MGST1: variants seen among roughly 807,000 people sequenced by gnomAD.
MGST1 encodes the protein microsomal glutathione S-transferase 1, also known as glutathione S-transferase 12.
In MGST1, 5 loss-of-function variants were observed where a neutral mutation model predicts 8.9. That is an observed-to-expected ratio of 0.56 (90% CI 0.29 to 1.19). The LOEUF (loss-of-function observed/expected upper bound fraction) is 1.19, where lower values mean the gene tolerates loss of function less well. Ranked by LOEUF, MGST1 falls within the 50% of genes most tolerant of loss-of-function variation. The pLI, the probability that MGST1 is intolerant of heterozygous loss-of-function variation, is 0.08. For missense variants in MGST1, 182 were observed against 187.4 expected, an observed-to-expected ratio of 0.97 and a Z score of 0.17; for synonymous variants, 54 against 67.8, an observed-to-expected ratio of 0.80 and a Z score of 1.00.
intron 4 of MGST1, among the ~76,000 whole-genome samples, chr12:16,502,052 G>A (rs961974889): frequency 3.9e-5 from 6 of 151,974 alleles, no homozygotes; most frequent in Admixed American, 6.6e-5. Flanking sequence ...GCTCAAATCC[G>A]AACAAATAAA....
At position 16,461,556 on chromosome 12, in the gene MGST1, C is replaced by T. The variant is rs573875808; in HGVS notation, n.482+77952C>T. ...TCTTGGCACCAACAATATAAAAACT[C>T]TCTAGGAAAAATAGGTTCTTTGGAT... On this transcript the variant is annotated intron_variant and non_coding_transcript_variant, in intron 4 of 4. Transcript: ENST00000538857. 6.6e-5 allele frequency among the ~76,000 whole-genome samples: 10 copies of T among 152,184 alleles called. No homozygotes were observed. In the South Asian group the frequency reaches 2.1e-3, roughly 32 times the overall value.
chr12:16,572,930 A>C (rs1028656884), intron 4 of MGST1, among the ~76,000 whole-genome samples: 11 of 151,724 alleles, frequency 7.3e-5, no homozygotes, highest in Non-Finnish European at 1.6e-4. Flanking sequence ...AGTGGATATA[A>C]AATTGATCAT....
At chr12:16,507,128 A>G (rs940060355) in intron 4 of MGST1, among the ~76,000 whole-genome samples, 2 of 152,240 alleles carry the variant, frequency 1.3e-5, no homozygotes, top group Non-Finnish European at 2.9e-5. Context: ...AGAGTCTTCA[A>G]AGATGAAGAT....
In MGST1 at chr12:16,361,064, A is replaced by C. The variant is rs1458397942; in HGVS notation, c.222-2731A>C. ...AGCCATGTTCCATTAGTTCCATGGA[A>C]TATTTCATAAAGGAAGACCTTGAAG... On this transcript the variant is annotated intron_variant, in intron 3 of 3. Coordinates refer to ENST00000396210, the MANE Select transcript of MGST1 (RefSeq NM_020300.5). This position sits in a 1 kb window ranked among gnomAD's most constrained non-coding sequence, Gnocchi z 4.2. Among the ~76,000 whole-genome samples, 1 of 150,910 alleles carries C rather than the reference A, an allele frequency of 6.6e-6. No homozygotes were observed. The highest frequency in any genetic ancestry group is 1.5e-5 in the Non-Finnish European group (1 of 67,872).
At chr12:16,360,985 C>CG (rs201759501) in intron 3 of MGST1, among the ~76,000 whole-genome samples, 4 of 151,624 alleles carry the variant, frequency 2.6e-5, no homozygotes, top group African/African-American at 7.3e-5. Context: ...AGTGTTCCCC[C>CG]CCTCCCCGCC....
At chr12:16,563,920 A>G (rs550598243) in intron 4 of MGST1, among the ~76,000 whole-genome samples, 2 of 152,286 alleles carry the variant, frequency 1.3e-5, no homozygotes, top group South Asian at 2.1e-4. Context: ...TAATTTGCCA[A>G]TTTATGGGCT....
intron 4 of MGST1, among the ~76,000 whole-genome samples, chr12:16,583,802 G>A (rs1013529106): frequency 6.6e-6 from 1 of 152,182 alleles, no homozygotes; most frequent in African/African-American, 2.4e-5. Context: ...AGGAGACACA[G>A]AAGATGGAAG....
chr12:16,550,453 AAAAG>A (rs1941948006), intron 4 of MGST1: 1 of 152,510 alleles, frequency 6.6e-6, no homozygotes, highest in Non-Finnish European at 1.5e-5. Flanking sequence ...AGCACACAAA[AAAAG>A]GATATTAAAA....
At position 16,559,762 on chromosome 12, in the gene MGST1, G is replaced by A. The variant is rs1235174795; in HGVS notation, n.483-29766G>A. On this transcript the variant is annotated intron_variant and non_coding_transcript_variant, in intron 4 of 4. Coordinates refer to the MGST1 transcript ENST00000538857. This position sits in a 1 kb window ranked among gnomAD's most constrained non-coding sequence, Gnocchi z 4.1. ...GGCCAGGAGTTTGAGACCAGCCTGG[G>A]TAACATAGTGAAACTCCATCATCTC... Among the ~76,000 whole-genome samples the A allele has an allele frequency of 1.3e-5, 2 of 150,854 alleles. No individual in the cohort carries two copies. The highest frequency in any genetic ancestry group is 3.0e-5 in the Non-Finnish European group (2 of 67,750).
intron 4 of MGST1, among the ~76,000 whole-genome samples, chr12:16,509,585 A>G (rs1192336812): frequency 6.6e-6 from 1 of 152,218 alleles, no homozygotes; most frequent in East Asian, 1.9e-4. Context: ...AACTGTAATC[A>G]AGATTCATAA....
chr12:16,402,957 A>ACTC (rs397743468), intron 1 of MGST1, among the ~76,000 whole-genome samples: 2 of 149,160 alleles, frequency 1.3e-5, no homozygotes, highest in East Asian at 2.0e-4. Flanking sequence ...TATATTCTCT[A>ACTC]TATATTTATT....
At chr12:16,408,465 A>C (rs1448540379) in intron 1 of MGST1, among the ~76,000 whole-genome samples, 1 of 152,196 alleles carries the variant, frequency 6.6e-6, no homozygotes, top group African/African-American at 2.4e-5. Context: ...TTCTCTCAGC[A>C]CATTCCAACT....
chr12:16,570,655 A>T (rs1255595949), intron 4 of MGST1, among the ~76,000 whole-genome samples: 1 of 152,158 alleles, frequency 6.6e-6, no homozygotes, highest in East Asian at 1.9e-4. Context: ...GGCTTAGCAA[A>T]GCTCCACTGT....
chr12:16,481,954 G>C, intron 4 of MGST1, among the ~76,000 whole-genome samples: 1 of 152,020 alleles, frequency 6.6e-6, no homozygotes, highest in African/African-American at 2.4e-5. Flanking sequence ...GTAAAATTGC[G>C]GAACACCACA....
chr12:16,464,839 T>C (rs182690335), intron 4 of MGST1, among the ~76,000 whole-genome samples: 1 of 152,200 alleles, frequency 6.6e-6, no homozygotes, highest in East Asian at 1.9e-4. Flanking sequence ...CTTAAATAAA[T>C]TTTTCAATAA....
downstream of MGST1, among the ~76,000 whole-genome samples, chr12:16,439,507 T>C (rs1591728598): frequency 6.6e-6 from 1 of 151,938 alleles, no homozygotes; most frequent in South Asian, 2.1e-4. Context: ...CTTTCTTGAT[T>C]CACCATAGCC....
intron 4 of MGST1, among the ~76,000 whole-genome samples, chr12:16,455,143 G>A (rs538415747): frequency 6.6e-6 from 1 of 152,044 alleles, no homozygotes; most frequent in East Asian, 1.9e-4. Flanking sequence ...ATGATAGGAT[G>A]TAAGTCTATC....
intron 4 of MGST1, among the ~76,000 whole-genome samples, chr12:16,472,221 A>G (rs1396306832): frequency 6.6e-6 from 1 of 152,054 alleles, no homozygotes. Flanking sequence ...GCCCCATAAA[A>G]AGTACTTATA....
intron 4 of MGST1, chr12:16,551,327 T>A: frequency 6.4e-7 from 1 of 1,560,570 alleles, no homozygotes; most frequent in South Asian, 1.1e-5. Context: ...CAACACAAAA[T>A]CTGAAAATAT....
Sources: gnomAD v4.1 joint callset for allele counts (sites outside exome capture counted in the v4.1 genomes callset) on GRCh38, gnomAD v4.1.1 for gene constraint, Gnocchi (gnomAD v3.1) non-coding constraint, MANE v1.5 for transcripts, NCBI Gene and HGNC (gene_info 2026-07-23, HGNC 2026-07-21) for gene names.